MALRD1: variants seen among roughly 807,000 people sequenced by gnomAD.
The protein encoded by MALRD1 is MAM and LDL-receptor class A domain-containing protein 1.
Under a neutral mutation model 242.1 loss-of-function variants are expected in MALRD1, and 247 were observed. The ratio of observed to expected loss-of-function variants is 1.02; its 90% CI spans 0.92 to 1.13. The LOEUF (loss-of-function observed/expected upper bound fraction) is 1.13, where lower values mean the gene tolerates loss of function less well. Among genes scored for constraint, MALRD1 ranks in the 50% most tolerant of loss-of-function variants. The pLI is 0.00. For synonymous variants in MALRD1, 995 were observed against 866.6 expected (o/e 1.15, Z -2.60); for missense variants, 2,989 against 2,533.1 (o/e 1.18, Z -3.86).
chr10:19,263,878 GT>G (rs1243505521), intron 19 of MALRD1, among the ~76,000 whole-genome samples: 1 of 152,056 alleles, frequency 6.6e-6, no homozygotes, highest in African/African-American at 2.4e-5. Context: ...GATGCCATCA[GT>G]TTTTTTCTTC....
rs149809725 is a variant in MALRD1 at position 19,105,443 on chromosome 10, C to A, written c.694+1368C>A. Among the ~76,000 whole-genome samples the A allele has an allele frequency of 1.2e-3, 179 of 152,006 alleles. 1 individual carries two copies. The highest frequency in any genetic ancestry group is 0.01 in the Middle Eastern group (3 of 294). ...ATGGACACTTAGGTTGATTTCATATCTTGGCTATTGTAAGTAGTTCTGCAG... is the reference window on the plus strand; with the variant it reads ...ATGGACACTTAGGTTGATTTCATATATTGGCTATTGTAAGTAGTTCTGCAG... On this transcript the variant is annotated intron_variant, in intron 5 of 39. Transcript: ENST00000454679.
chr10:19,729,526 C>T (rs1247503738), intron 38 of MALRD1, among the ~76,000 whole-genome samples: 1 of 148,668 alleles, frequency 6.7e-6, no homozygotes, highest in Admixed American at 6.7e-5. Flanking sequence ...TGTGTGTGTA[C>T]ACATGCATGT....
intron 28 of MALRD1, among the ~76,000 whole-genome samples, chr10:19,420,971 T>G (rs1833698821): frequency 6.6e-6 from 1 of 152,220 alleles, no homozygotes; most frequent in South Asian, 2.1e-4. Context: ...CACATAGACT[T>G]CCCTGAGTAC....
rs117540633 is a variant in MALRD1 at position 19,657,492 on chromosome 10, G to C, written c.6138-34790G>C. 5.9e-3 allele frequency among the ~76,000 whole-genome samples: 900 copies of C among 152,164 alleles called. 12 individuals carry two copies. Among genetic ancestry groups the C allele is most frequent in the East Asian group, 0.031 (159 of 5,170 alleles). On this transcript the variant is annotated intron_variant, in intron 36 of 39. Coordinates refer to ENST00000454679, the MANE Select transcript of MALRD1 (RefSeq NM_001142308.3). Reference sequence around the variant, plus strand: ...CAAGAAGGAGCCCTCCCTACATACTGAGAAATGACTACAAAGACAGTAAAT... The same window carrying C: ...CAAGAAGGAGCCCTCCCTACATACTCAGAAATGACTACAAAGACAGTAAAT...
At chr10:19,347,339 G>C (rs560043713) in intron 24 of MALRD1, among the ~76,000 whole-genome samples, 1 of 152,052 alleles carries the variant, frequency 6.6e-6, no homozygotes, top group African/African-American at 2.4e-5. Flanking sequence ...ATAAAGAACT[G>C]TTCTAAAAAA....
intron 12 of MALRD1, among the ~76,000 whole-genome samples, chr10:19,158,041 T>C (rs1332104590): frequency 6.6e-6 from 1 of 152,220 alleles, no homozygotes; most frequent in Non-Finnish European, 1.5e-5. Context: ...AATTGGCATT[T>C]TTCTTTGAAA....
rs1397431111 is a variant in MALRD1, at chr10:19,089,523, C to A, written c.597+1338C>A. Among the ~76,000 whole-genome samples the A allele has an allele frequency of 7.2e-4, 7 of 9,688 alleles. 3 individuals are homozygous for A. The highest frequency in any genetic ancestry group is 2.6e-3 in the African/African-American group (2 of 780). The allele number at this position is 9,688 out of a possible 152,430, so 6.4% of individuals were successfully genotyped here. A position where few individuals can be genotyped will look rare whatever the true frequency, so the allele number is the denominator to read the frequency against. ...GATGAGTAGGTTGTGAAAATTTTCTCCCATGTTGTAGATTGCCTGTTCACT... is the reference window on the plus strand; with the variant it reads ...GATGAGTAGGTTGTGAAAATTTTCTACCATGTTGTAGATTGCCTGTTCACT... On this transcript the variant is annotated intron_variant, in intron 4 of 39. Coordinates refer to ENST00000454679, the MANE Select transcript of MALRD1 (RefSeq NM_001142308.3).
intron 38 of MALRD1, among the ~76,000 whole-genome samples, chr10:19,713,269 A>G (rs556347842): frequency 6.6e-6 from 1 of 152,240 alleles, no homozygotes; most frequent in African/African-American, 2.4e-5. Context: ...TCAAATTGCT[A>G]TGAATGTTTC....
intron 4 of MALRD1, among the ~76,000 whole-genome samples, chr10:19,088,536 C>CTTT (rs748953378): frequency 2.7e-5 from 3 of 110,018 alleles, no homozygotes; most frequent in African/African-American, 6.8e-5. Flanking sequence ...CTCTTTCTTT[C>CTTT]TTTTTTTTTT....
In MALRD1 at chr10:19,387,539, C is replaced by G. The variant is rs1846136004; in HGVS notation, c.4453C>G (p.Leu1485Val). The change falls in exon 27 of 40, where the codon CTT becomes GTT. Residue 1485 changes from leucine (L) to valine (V), a missense_variant. Physicochemically the swap from Leu to Val is conservative, Grantham distance 32. Coordinates refer to ENST00000454679, the MANE Select transcript of MALRD1 (RefSeq NM_001142308.3). ...TTGTTTTGTTTTAGGTTTCTGCCCA[C>G]TTGGCTATAGGGAATGTCATAATGG... is the stretch of plus-strand genomic sequence containing the variant. ...AVPLPTGFCPLGYRECHNGKC... is the reference protein window; with the variant it reads ...AVPLPTGFCPVGYRECHNGKC... 1 of 1,549,990 alleles carries G rather than the reference C, an allele frequency of 6.5e-7. No individual in the cohort carries two copies. Among genetic ancestry groups the G allele is most frequent in the Non-Finnish European group, 8.7e-7 (1 of 1,146,700 alleles).
chr10:19,398,466 A>G (rs1331528297), intron 28 of MALRD1, among the ~76,000 whole-genome samples: 1 of 152,156 alleles, frequency 6.6e-6, no homozygotes, highest in East Asian at 1.9e-4. Context: ...AACATAAATG[A>G]TACTTTTGAG....
rs997867960 is a variant in MALRD1, at chr10:19,283,043, A to G, written c.3281A>G (p.Lys1094Arg). The change falls in exon 21 of 40, where the codon AAA (lysine) becomes AGA (arginine). Residue 1094 changes from lysine (K) to arginine (R), a missense_variant. Lys to Arg is a conservative substitution (Grantham distance 26). Transcript: ENST00000454679. The part of the protein sequence containing the change: ...SCVMEVCSFE[K>R]RSLCKWYQPI... ...GTTATGGAAGTTTGCAGCTTTGAGA[A>G]AAGAAGCCTGTGTAAATGGTATCAA... 1.9e-6 allele frequency: 3 copies of G among 1,547,894 alleles called. No homozygotes were observed. Among genetic ancestry groups the G allele is most frequent in the Middle Eastern group, 1.7e-4 (1 of 6,002 alleles).
intron 38 of MALRD1, among the ~76,000 whole-genome samples, chr10:19,715,367 C>T (rs1437401672): frequency 1.3e-5 from 2 of 150,284 alleles, no homozygotes; most frequent in East Asian, 1.9e-4. Flanking sequence ...ATTATGAAAA[C>T]ATATTTGTAT....
intron 28 of MALRD1, among the ~76,000 whole-genome samples, chr10:19,417,763 T>C (rs768564570): frequency 2.0e-5 from 3 of 152,168 alleles, no homozygotes; most frequent in Non-Finnish European, 2.9e-5. Flanking sequence ...CAGCAGTTAA[T>C]TGAGCGTAGT....
At chr10:19,655,977 C>T (rs1589366171) in intron 36 of MALRD1, among the ~76,000 whole-genome samples, 1 of 152,126 alleles carries the variant, frequency 6.6e-6, no homozygotes, top group Admixed American at 6.6e-5. Context: ...ATGTTAATCA[C>T]ATTCTCTTCA....
At chr10:19,696,158 G>T (rs1424318026) in intron 38 of MALRD1, among the ~76,000 whole-genome samples, 1 of 152,124 alleles carries the variant, frequency 6.6e-6, no homozygotes, top group African/African-American at 2.4e-5. Context: ...GAACTCTGCA[G>T]GCTGGGCTCA....
chr10:19,584,508 G>C (rs907519291), intron 33 of MALRD1, among the ~76,000 whole-genome samples: 21 of 152,264 alleles, frequency 1.4e-4, no homozygotes, highest in African/African-American at 4.8e-4. Context: ...GGAGCAGGTT[G>C]GTCAGTTTCC....
At chr10:19,276,298 A>T (rs1588834725) in intron 19 of MALRD1, among the ~76,000 whole-genome samples, 1 of 33,024 alleles carries the variant, frequency 3.0e-5, no homozygotes. Flanking sequence ...CATTTTAATT[A>T]TATATATATA....
intron 1 of MALRD1, among the ~76,000 whole-genome samples, chr10:19,059,735 T>TA (rs1417948868): frequency 6.6e-6 from 1 of 152,168 alleles, no homozygotes; most frequent in African/African-American, 2.4e-5. Context: ...AATTATATTT[T>TA]AAAATGATCT....
Sources: gnomAD v4.1 joint callset for allele counts (sites outside exome capture counted in the v4.1 genomes callset) on GRCh38, gnomAD v4.1.1 for gene constraint, MANE v1.5 for transcripts, NCBI Gene and HGNC (gene_info 2026-07-23, HGNC 2026-07-21) for gene names.